Variants in ZNF148 observed in about 807,000 individuals in gnomAD.
The protein encoded by ZNF148 is zinc finger protein 148, also known as Beta-Enolase Repressor Factor-1.
ZNF148 carries 7 observed loss-of-function variants against 67.7 expected under a neutral mutation model. That is an observed-to-expected ratio of 0.10 (90% CI 0.06 to 0.19). The LOEUF (loss-of-function observed/expected upper bound fraction) is 0.19, where lower values mean the gene tolerates loss of function less well. ZNF148 is among the 10% of genes least tolerant of loss of function. ZNF148 has a pLI of 1.00. For missense variants in ZNF148, 583 were observed against 947.1 expected (o/e 0.62, Z 5.05); for synonymous variants, 333 against 330.7 (o/e 1.01, Z -0.08).
chr3:125,364,483 A>G (rs992465806), intron 1 of ZNF148, among the ~76,000 whole-genome samples: 5 of 152,256 alleles, frequency 3.3e-5, no homozygotes, highest in Non-Finnish European at 7.3e-5. Context: ...TTCATATGAT[A>G]GAATACCACA....
chr3:125,313,877 A>G (rs1221838909), intron 3 of ZNF148, among the ~76,000 whole-genome samples: 1 of 152,148 alleles, frequency 6.6e-6, no homozygotes, highest in Non-Finnish European at 1.5e-5. Context: ...TCAAATCCTA[A>G]CTACTTTATT....
chr3:125,296,217 G>A (rs9839400), intron 4 of ZNF148, among the ~76,000 whole-genome samples: 3,352 of 151,688 alleles, frequency 0.022, 129 homozygotes, highest in African/African-American at 0.075. Flanking sequence ...CGCCTCCCAA[G>A]TTCAAGCAAT....
At chr3:125,324,257 G>A (rs1451806081) in intron 2 of ZNF148, among the ~76,000 whole-genome samples, 1 of 151,946 alleles carries the variant, frequency 6.6e-6, no homozygotes, top group Non-Finnish European at 1.5e-5. Context: ...AGTGAAGAGA[G>A]AAGAAACACA....
At chr3:125,344,468 T>C (rs1239039463) in intron 1 of ZNF148, 8 of 1,059,616 alleles carry the variant, frequency 7.5e-6, no homozygotes, top group Non-Finnish European at 1.2e-5. Context: ...CAAATAAAAA[T>C]GGGTCCCTTC....
At chr3:125,341,900 G>A (rs1171199131) in intron 1 of ZNF148, among the ~76,000 whole-genome samples, 3 of 151,762 alleles carry the variant, frequency 2.0e-5, no homozygotes, top group African/African-American at 7.3e-5. Flanking sequence ...GGACGCTAAG[G>A]TAGGGGAATG....
chr3:125,349,710 T>A (rs567346449), intron 1 of ZNF148, among the ~76,000 whole-genome samples: 64 of 152,292 alleles, frequency 4.2e-4, no homozygotes, highest in Non-Finnish European at 8.1e-4. Flanking sequence ...ATGTGGTGGT[T>A]TACACCTGTA....
At chr3:125,354,965 C>A (rs1304104158) in intron 1 of ZNF148, among the ~76,000 whole-genome samples, 1 of 152,022 alleles carries the variant, frequency 6.6e-6, no homozygotes, top group Non-Finnish European at 1.5e-5. Flanking sequence ...GATGCCACAC[C>A]CTTTCCCTCA....
chr3:125,328,996 C>T (rs1019160636), intron 2 of ZNF148, among the ~76,000 whole-genome samples: 1 of 60,076 alleles, frequency 1.7e-5, no homozygotes, highest in Non-Finnish European at 3.3e-5. Flanking sequence ...ATTTATACTA[C>T]TGATATATAT....
chr3:125,282,200 G>A (rs1938427312), intron 5 of ZNF148, among the ~76,000 whole-genome samples: 3 of 152,242 alleles, frequency 2.0e-5, no homozygotes, highest in Non-Finnish European at 1.5e-5. Context: ...CACTAACGCA[G>A]GCAAAATTTT....
chr3:125,297,127 A>G (rs1939325287), intron 4 of ZNF148, among the ~76,000 whole-genome samples: 1 of 58,778 alleles, frequency 1.7e-5, no homozygotes, highest in Non-Finnish European at 3.6e-5. Flanking sequence ...CTTACCATTA[A>G]TTAAAAAAAA....
At chr3:125,327,102 A>G (rs1298254725) in intron 2 of ZNF148, among the ~76,000 whole-genome samples, 1 of 152,166 alleles carries the variant, frequency 6.6e-6, no homozygotes, top group Non-Finnish European at 1.5e-5. Flanking sequence ...TGTAAGAGAC[A>G]GAATGGCTAT....
At chr3:125,289,097 AG>A (rs1191840487) in intron 4 of ZNF148, among the ~76,000 whole-genome samples, 1 of 152,190 alleles carries the variant, frequency 6.6e-6, no homozygotes, top group Admixed American at 6.6e-5. Flanking sequence ...CTATCCTTGA[AG>A]TAAAACAAGA....
intron 7 of ZNF148, among the ~76,000 whole-genome samples, chr3:125,237,513 T>C (rs1345804908): frequency 2.6e-5 from 4 of 151,866 alleles, no homozygotes; most frequent in Non-Finnish European, 5.9e-5. Flanking sequence ...GCCTGGGAGG[T>C]GAAGGTTGTA....
At chr3:125,362,988 G>A (rs991726675) in intron 1 of ZNF148, among the ~76,000 whole-genome samples, 6 of 152,004 alleles carry the variant, frequency 3.9e-5, no homozygotes, top group Non-Finnish European at 5.9e-5. Context: ...CCCAAATTGT[G>A]GATATTTTCC....
intron 1 of ZNF148, among the ~76,000 whole-genome samples, chr3:125,349,253 C>T (rs907352536): frequency 1.3e-5 from 2 of 152,262 alleles, no homozygotes; most frequent in East Asian, 1.9e-4. Context: ...TAAAAAGCTT[C>T]GCAGAGCAAA....
chr3:125,256,875 T>C (rs1484605467), intron 7 of ZNF148, among the ~76,000 whole-genome samples: 1 of 152,150 alleles, frequency 6.6e-6, no homozygotes, highest in Non-Finnish European at 1.5e-5. Flanking sequence ...TTCAATTCAT[T>C]AATCTTCTCT....
At position 125,232,992 on chromosome 3, in the gene ZNF148, T is replaced by C; in HGVS notation, c.1734A>G (p.Val578=). 6.2e-7 allele frequency: 1 copy of C among 1,613,818 alleles called. No homozygotes were observed. The change falls in exon 9 of 9, where the codon GTA becomes GTG. Residue 578 remains valine, a synonymous_variant. Coordinates refer to ENST00000360647, the MANE Select transcript of ZNF148 (RefSeq NM_021964.3). The surrounding 1 kb of genome is among the most constrained non-coding windows in gnomAD (Gnocchi z 4.2). Reference sequence around the variant, plus strand: ...CATTCTCTGACGGGGTGACCTCTGGTACTTCTGAAGAATTTATTGATATGC... The same window carrying C: ...CATTCTCTGACGGGGTGACCTCTGGCACTTCTGAAGAATTTATTGATATGC... ...TSSISINSSE[V]PEVTPSENVG...
chr3:125,341,249 C>T (rs1461273040), intron 1 of ZNF148, among the ~76,000 whole-genome samples: 3 of 148,714 alleles, frequency 2.0e-5, no homozygotes, highest in Non-Finnish European at 3.0e-5. Context: ...AATGGAAAAT[C>T]TCAGCAAAGA....
chr3:125,244,856 C>T (rs1936527210), intron 7 of ZNF148, among the ~76,000 whole-genome samples: 1 of 152,122 alleles, frequency 6.6e-6, no homozygotes, highest in South Asian at 2.1e-4. Flanking sequence ...CTTTCTTTTT[C>T]TTGAAACTCA....
Sources: allele counts gnomAD v4.1 joint callset (sites outside exome capture counted in the v4.1 genomes callset), GRCh38; gene constraint gnomAD v4.1.1; non-coding constraint Gnocchi (gnomAD v3.1); transcripts MANE v1.5; gene names NCBI Gene and HGNC (gene_info 2026-07-23, HGNC 2026-07-21).